Variants in CORIN observed in about 807,000 individuals in gnomAD.
The protein encoded by CORIN is atrial natriuretic peptide-converting enzyme.
A neutral mutation model predicts 125.3 loss-of-function variants in CORIN; 117 were observed. That is an observed-to-expected ratio of 0.93 (90% confidence interval 0.80 to 1.09). The LOEUF (loss-of-function observed/expected upper bound fraction) is 1.09, where lower values mean the gene tolerates loss of function less well. Among genes scored for constraint, CORIN ranks in the 50% least tolerant of loss-of-function variants. The probability of loss-of-function intolerance (pLI) is 0.00; values close to 1 mark genes in which losing one functional copy is unlikely to be tolerated. For synonymous variants in CORIN, 450 were observed against 466.4 expected, an observed-to-expected ratio of 0.96 and a Z score of 0.45; for missense variants, 1,253 against 1,306.7, an observed-to-expected ratio of 0.96 and a Z score of 0.63.
intron 3 of CORIN, among the ~76,000 whole-genome samples, chr4:47,768,122 C>T (rs1672961341): frequency 6.6e-6 from 1 of 152,186 alleles, no homozygotes; most frequent in Non-Finnish European, 1.5e-5. Context: ...CACCTTGTGA[C>T]CCCCATCCCT....
chr4:47,804,258 G>A (rs780122643), intron 2 of CORIN, among the ~76,000 whole-genome samples: 5 of 152,164 alleles, frequency 3.3e-5, no homozygotes, highest in South Asian at 2.1e-4. Flanking sequence ...CTGTTGATGG[G>A]AATGTAAATT....
chr4:47,764,614 T>C (rs1460454517), intron 3 of CORIN, among the ~76,000 whole-genome samples: 1 of 152,232 alleles, frequency 6.6e-6, no homozygotes, highest in Non-Finnish European at 1.5e-5. Flanking sequence ...TTTAGAAGGC[T>C]AAGAAATTTG....
intron 19 of CORIN, among the ~76,000 whole-genome samples, chr4:47,607,068 T>C (rs1197619226): frequency 1.3e-5 from 2 of 152,186 alleles, no homozygotes; most frequent in African/African-American, 4.8e-5. Context: ...AATTACTGTA[T>C]TGAGATTAAT....
chr4:47,628,282 A>G (rs1484339143), intron 16 of CORIN, among the ~76,000 whole-genome samples: 1 of 152,064 alleles, frequency 6.6e-6, no homozygotes, highest in Non-Finnish European at 1.5e-5. Flanking sequence ...CATAACTTCA[A>G]TTTCCCTTTC....
chr4:47,713,169 G>C (rs1726927177), intron 5 of CORIN, among the ~76,000 whole-genome samples: 1 of 152,118 alleles, frequency 6.6e-6, no homozygotes, highest in Non-Finnish European at 1.5e-5. Context: ...ACTTAATTAG[G>C]TGTGGAGAAA....
At chr4:47,810,065 A>G (rs534026482) in intron 1 of CORIN, among the ~76,000 whole-genome samples, 1 of 152,306 alleles carries the variant, frequency 6.6e-6, no homozygotes, top group Admixed American at 6.5e-5. Flanking sequence ...TGGCAAGGGT[A>G]GGGAACGATG....
intron 19 of CORIN, among the ~76,000 whole-genome samples, chr4:47,621,268 G>A (rs1173349317): frequency 6.6e-6 from 1 of 152,086 alleles, no homozygotes; most frequent in East Asian, 1.9e-4. Flanking sequence ...ACTTCTTCCT[G>A]GCTTCCTTTT....
intron 1 of CORIN, among the ~76,000 whole-genome samples, chr4:47,825,881 T>G (rs1470965590): frequency 2.0e-5 from 3 of 151,840 alleles, no homozygotes; most frequent in Non-Finnish European, 4.4e-5. Flanking sequence ...TTTTTGTATT[T>G]TTAGTAGAGA....
chr4:47,807,401 G>A (rs1033882987), intron 1 of CORIN, among the ~76,000 whole-genome samples: 1 of 152,218 alleles, frequency 6.6e-6, no homozygotes, highest in African/African-American at 2.4e-5. Context: ...TATGACAGAA[G>A]TGAAGGCTGC....
At chr4:47,623,092 C>CTATATA (rs34165105) in intron 19 of CORIN, among the ~76,000 whole-genome samples, 5 of 111,166 alleles carry the variant, frequency 4.5e-5, no homozygotes, top group South Asian at 6.3e-4. Context: ...CTCTCTCTCT[C>CTATATA]TCTCTATATA....
chr4:47,675,042 A>G (rs991647789), intron 9 of CORIN, among the ~76,000 whole-genome samples: 6 of 152,208 alleles, frequency 3.9e-5, no homozygotes, highest in African/African-American at 1.4e-4. Flanking sequence ...ATGTCCTTGG[A>G]AAGTGTCATC....
At chr4:47,760,440 T>A (rs767674747) in intron 4 of CORIN, among the ~76,000 whole-genome samples, 6 of 152,232 alleles carry the variant, frequency 3.9e-5, no homozygotes, top group Non-Finnish European at 7.3e-5. Flanking sequence ...TTCTTGGTGC[T>A]TTTGTCAAAA....
At chr4:47,829,404 A>G (rs1211337309) in intron 1 of CORIN, among the ~76,000 whole-genome samples, 1 of 152,144 alleles carries the variant, frequency 6.6e-6, no homozygotes, top group Non-Finnish European at 1.5e-5. Context: ...ACCTTGGCCT[A>G]GGCACCTCTT....
intron 4 of CORIN, among the ~76,000 whole-genome samples, chr4:47,752,823 G>A (rs774639504): frequency 6.6e-6 from 1 of 152,030 alleles, no homozygotes; most frequent in Non-Finnish European, 1.5e-5. Context: ...TTAATATTTG[G>A]CATACTTACC....
At chr4:47,808,529 C>T (rs1199778141) in intron 1 of CORIN, among the ~76,000 whole-genome samples, 2 of 152,148 alleles carry the variant, frequency 1.3e-5, no homozygotes, top group Admixed American at 6.5e-5. Flanking sequence ...TATGATGACA[C>T]CTTCTGTAAT....
Position 47,641,999 on chromosome 4 carries a change from C to A in CORIN, c.2119G>T (p.Ala707Ser), listed in dbSNP as rs764059963. 14 of 1,613,496 alleles carry A rather than the reference C, an allele frequency of 8.7e-6. No homozygotes were observed. The African/African-American group carries it at 1.2e-4, about 14-fold the overall frequency. The change falls in exon 16 of 22, where the codon GCT becomes TCT. Residue 707 changes from alanine (A) to serine (S), a missense_variant. Ala to Ser is a moderately conservative substitution (Grantham distance 99, BLOSUM62 1). Transcript: ENST00000273857. ...GCACACACATGGTGTTCTGTGGCAG[C>A]TCTGTGAACCATCAGAAAGGAAGAG... ...NSSSFLMVHR[A>S]ATEHHVCADG...
chr4:47,641,785 T>C, intron 16 of CORIN, 135 bp downstream of exon 16: 1 of 1,033,442 alleles, frequency 9.7e-7, no homozygotes, highest in South Asian at 1.7e-5. Context: ...TCCTCTCACC[T>C]GATTCATTTC....
At chr4:47,662,941 T>C (rs2109667341) in intron 11 of CORIN, among the ~76,000 whole-genome samples, 1 of 152,342 alleles carries the variant, frequency 6.6e-6, no homozygotes, top group African/African-American at 2.4e-5. Context: ...GGTATTTCTA[T>C]ATTAGGTCAG....
chr4:47,835,882 T>G (rs1249807886), intron 1 of CORIN, among the ~76,000 whole-genome samples: 3 of 152,234 alleles, frequency 2.0e-5, no homozygotes, highest in Non-Finnish European at 2.9e-5. Context: ...GGATATGTGC[T>G]TGATAAGGTT....
Sources: gnomAD v4.1 joint callset for allele counts (sites outside exome capture counted in the v4.1 genomes callset) on GRCh38, gnomAD v4.1.1 for gene constraint, MANE v1.5 for transcripts, NCBI Gene and HGNC (gene_info 2026-07-23, HGNC 2026-07-21) for gene names.